The following ALDH1A2 variants were observed in gnomAD, a reference collection of about 807,000 sequenced individuals.
The protein encoded by ALDH1A2 is retinal dehydrogenase 2.
A neutral mutation model predicts 60.3 loss-of-function variants in ALDH1A2; 27 were observed. That is an observed-to-expected ratio of 0.45 (90% CI 0.33 to 0.62). The LOEUF is 0.62. ALDH1A2 is among the 20% of genes least tolerant of loss of function. The pLI is 0.02. For synonymous variants in ALDH1A2, 289 were observed against 232.4 expected (o/e 1.24, Z -2.21); for missense variants, 581 against 643.8 (o/e 0.90, Z 1.06).
At chr15:57,995,847 G>T (rs2140495160) in intron 4 of ALDH1A2, among the ~76,000 whole-genome samples, 1 of 152,190 alleles carries the variant, frequency 6.6e-6, no homozygotes, top group South Asian at 2.1e-4. Context: ...GGAGTAATAG[G>T]CAACTGAAAT....
intron 7 of ALDH1A2, among the ~76,000 whole-genome samples, chr15:57,991,229 GC>G: frequency 1.3e-5 from 2 of 152,030 alleles, no homozygotes; most frequent in Admixed American, 1.3e-4. Flanking sequence ...GTTTTTCTTA[GC>G]ATCTAGCCTT....
intron 4 of ALDH1A2, among the ~76,000 whole-genome samples, chr15:58,008,821 G>A (rs1188400701): frequency 3.9e-5 from 6 of 152,046 alleles, no homozygotes; most frequent in African/African-American, 1.4e-4. Context: ...TGTTGACAAA[G>A]GTTTTAATTC....
intron 1 of ALDH1A2, among the ~76,000 whole-genome samples, chr15:58,049,555 G>A (rs961176284): frequency 5.9e-5 from 9 of 151,968 alleles, no homozygotes; most frequent in Non-Finnish European, 7.4e-5. Context: ...CTGAGTATTC[G>A]TTCACTTACT....
intron 12 of ALDH1A2, among the ~76,000 whole-genome samples, chr15:57,956,674 G>C (rs538131962): frequency 1.3e-5 from 2 of 152,356 alleles, no homozygotes; most frequent in South Asian, 2.1e-4. Flanking sequence ...CAGTCTCGGA[G>C]TCTCTTTATT....
chr15:57,981,997 C>G (rs1419981367), intron 7 of ALDH1A2, among the ~76,000 whole-genome samples: 1 of 152,130 alleles, frequency 6.6e-6, no homozygotes. Flanking sequence ...GATGGAAGAG[C>G]AAGAGACGAC....
chr15:58,017,315 T>C (rs537192774), intron 1 of ALDH1A2, among the ~76,000 whole-genome samples: 9 of 152,290 alleles, frequency 5.9e-5, no homozygotes, highest in Non-Finnish European at 1.2e-4. Context: ...TATTCATAAA[T>C]GGACAAATGC....
Position 57,955,147 on chromosome 15 carries a change from CAG to C in ALDH1A2, c.*48_*49del. The C allele has an allele frequency of 1.9e-6, 3 of 1,559,074 alleles. No individual in the cohort carries two copies. Among genetic ancestry groups the C allele is most frequent in the Non-Finnish European group, 2.7e-6 (3 of 1,129,850 alleles). Reference sequence around the variant, plus strand: ...TGAGAGCTGGGCCCTACAGAGAAAGCAGAGAGGGACAGACGTGCAGGCTGGGC... The same window carrying C: ...TGAGAGCTGGGCCCTACAGAGAAAGCAGAGGGACAGACGTGCAGGCTGGGC... On this transcript the variant is annotated 3_prime_UTR_variant, in exon 13 of 13. Transcript: ENST00000249750.
intron 1 of ALDH1A2, among the ~76,000 whole-genome samples, chr15:58,042,411 C>T (rs1219868195): frequency 6.6e-6 from 1 of 151,928 alleles, no homozygotes; most frequent in East Asian, 1.9e-4. Flanking sequence ...TTTTGTATAA[C>T]CAACATCTAC....
At chr15:58,025,523 G>A (rs1896057336) in intron 1 of ALDH1A2, among the ~76,000 whole-genome samples, 1 of 152,004 alleles carries the variant, frequency 6.6e-6, no homozygotes, top group South Asian at 2.1e-4. Context: ...GTAATAACAA[G>A]GTTCTCAATA....
At chr15:58,049,804 C>A (rs1020080144) in intron 1 of ALDH1A2, among the ~76,000 whole-genome samples, 44 of 152,150 alleles carry the variant, frequency 2.9e-4, no homozygotes, top group African/African-American at 1.1e-3. Context: ...GAGAAGAAAA[C>A]TCAAGAGAAA....
intron 1 of ALDH1A2, among the ~76,000 whole-genome samples, chr15:58,030,991 A>G (rs867352445): frequency 6.6e-6 from 1 of 152,316 alleles, no homozygotes. Flanking sequence ...CATCCCCATC[A>G]AGCTACCAAT....
Position 58,065,656 on chromosome 15 carries a change from CG to C in ALDH1A2, c.-7del. On this transcript the variant is annotated 5_prime_UTR_variant, in exon 1 of 13. Transcript: ENST00000249750. ...TCTATCTTGCTGGAAGTCATGGTGG[CG>C]GGCCGGGTGTCCCTAGCCCGCGGCG... is the stretch of plus-strand genomic sequence containing the variant. 6.3e-7 allele frequency: 1 copy of C among 1,580,108 alleles called. No homozygotes were observed. The highest frequency in any genetic ancestry group is 8.6e-7 in the Non-Finnish European group (1 of 1,161,536).
At chr15:58,043,230 A>G (rs1253836647) in intron 1 of ALDH1A2, among the ~76,000 whole-genome samples, 1 of 152,010 alleles carries the variant, frequency 6.6e-6, no homozygotes, top group East Asian at 1.9e-4. Flanking sequence ...TTAATAATGA[A>G]TCATGACACT....
Position 57,971,816 on chromosome 15 carries a change from C to G in ALDH1A2, c.799-5989G>C, listed in dbSNP as rs144060235. Among the ~76,000 whole-genome samples the G allele has an allele frequency of 6.2e-4, 95 of 152,318 alleles. 3 individuals carry two copies. The East Asian group carries it at 0.017, about 27-fold the overall frequency. ...CACGGCTCACTGCATCCTTCAACTC[C>G]TTGGCCCAAGCAATCCCGCCATTCA... On this transcript the variant is annotated intron_variant, in intron 7 of 12. Transcript: ENST00000249750.
At position 57,988,802 on chromosome 15, in the gene ALDH1A2, T is replaced by C. The variant is rs541880017; in HGVS notation, c.798+3903A>G. ...CTTGCAATAAGCACTTATGGTTTTATGGACTCACTATGTGGCTTCTTGTCT... is the reference window on the plus strand; with the variant it reads ...CTTGCAATAAGCACTTATGGTTTTACGGACTCACTATGTGGCTTCTTGTCT... On this transcript the variant is annotated intron_variant, in intron 7 of 12. Coordinates refer to ENST00000249750, the MANE Select transcript of ALDH1A2 (RefSeq NM_003888.4). Among the ~76,000 whole-genome samples, 20 of 152,392 alleles carry C rather than the reference T, an allele frequency of 1.3e-4. No homozygotes were observed. In the East Asian group the frequency reaches 3.9e-3, roughly 29 times the overall value.
chr15:57,992,669 G>C (rs1894934780), intron 7 of ALDH1A2, 36 bp downstream of exon 7: 1 of 1,586,642 alleles, frequency 6.3e-7, no homozygotes, highest in Non-Finnish European at 8.7e-7. Context: ...TCATTTGCAA[G>C]ACTGTTCCTC....
At chr15:57,960,662 G>T in intron 12 of ALDH1A2, 108 bp downstream of exon 12, 2 of 935,528 alleles carry the variant, frequency 2.1e-6, no homozygotes, top group Admixed American at 1.9e-5. Context: ...CGAAATGTTT[G>T]TTGAATGTAT....
At chr15:58,011,305 G>C (rs1566947950) in intron 3 of ALDH1A2, among the ~76,000 whole-genome samples, 1 of 152,268 alleles carries the variant, frequency 6.6e-6, no homozygotes, top group East Asian at 1.9e-4. Flanking sequence ...GGGAAGCCCA[G>C]ATGTTAACAA....
chr15:58,013,798 T>G (rs1214383609), intron 3 of ALDH1A2, 60 bp downstream of exon 3: 1 of 1,600,440 alleles, frequency 6.2e-7, no homozygotes, highest in African/African-American at 1.3e-5. Context: ...CCGAAGAATG[T>G]AAATTTCAGC....
Sources: allele counts gnomAD v4.1 joint callset (sites outside exome capture counted in the v4.1 genomes callset), GRCh38; gene constraint gnomAD v4.1.1; transcripts MANE v1.5; gene names NCBI Gene and HGNC (gene_info 2026-07-23, HGNC 2026-07-21).